Variants in CACNA1B observed in about 807,000 individuals in gnomAD.
The protein encoded by CACNA1B is voltage-dependent N-type calcium channel subunit alpha-1B.
Under a neutral mutation model 247.2 loss-of-function variants are expected in CACNA1B, and 70 were observed. The observed-to-expected ratio is 0.28, with a 90% confidence interval of 0.23 to 0.35. The LOEUF (loss-of-function observed/expected upper bound fraction) is 0.35, where lower values mean the gene tolerates loss of function less well. Among genes scored for constraint, CACNA1B ranks in the 10% least tolerant of loss-of-function variants. The pLI is 1.00. For missense variants in CACNA1B, 2,367 were observed against 3,197.4 expected (o/e 0.74, Z 6.26); for synonymous variants, 1,231 against 1,294.4 (o/e 0.95, Z 1.05).
rs57624877 is a variant in CACNA1B, at chr9:137,934,923, T to A, written c.967-17351T>A. ...TGACAATATGACAAAACAAGGTTCCTTAACACCCCGAAGAAATCACACTAG... is the reference window on the plus strand; with the variant it reads ...TGACAATATGACAAAACAAGGTTCCATAACACCCCGAAGAAATCACACTAG... On this transcript the variant is annotated intron_variant, in intron 6 of 46. Coordinates refer to ENST00000371372, the MANE Select transcript of CACNA1B (RefSeq NM_000718.4). Among the ~76,000 whole-genome samples, 327 of 152,220 alleles carry A rather than the reference T, an allele frequency of 2.1e-3. 3 individuals carry two copies. The highest frequency in any genetic ancestry group is 7.6e-3 in the African/African-American group (314 of 41,518).
intron 6 of CACNA1B, among the ~76,000 whole-genome samples, chr9:137,932,469 C>G (rs546510947): frequency 1.3e-5 from 2 of 152,176 alleles, no homozygotes; most frequent in Admixed American, 6.5e-5. Context: ...AACTTGTTTT[C>G]TATGGTGAAC....
At chr9:138,045,262 G>A (rs573176756) in intron 21 of CACNA1B, among the ~76,000 whole-genome samples, 13 of 152,256 alleles carry the variant, frequency 8.5e-5, no homozygotes, top group African/African-American at 2.9e-4. Context: ...GCACCATCCC[G>A]GAGCACACTG....
Position 137,975,759 on chromosome 9 carries a change from G to A in CACNA1B, c.1544-148G>A, listed in dbSNP as rs924562663. The A allele has an allele frequency of 1.9e-5, 13 of 669,538 alleles. No homozygotes were observed. The African/African-American group carries it at 2.2e-4, about 11-fold the overall frequency. 41.5% of individuals were successfully genotyped at this position (669,538 alleles called of 1,614,324 possible). A position where few individuals can be genotyped will look rare whatever the true frequency, so the allele number is the denominator to read the frequency against. ...CTCTGAATCCATCGTTCCTTTCCTA[G>A]GCTGAGACTTCAGAGCATAGGACCA... On this transcript the variant is annotated intron_variant, in intron 11 of 46. Coordinates refer to ENST00000371372, the MANE Select transcript of CACNA1B (RefSeq NM_000718.4).
chr9:137,911,862 G>A (rs1957363526), intron 3 of CACNA1B, among the ~76,000 whole-genome samples: 2 of 152,314 alleles, frequency 1.3e-5, no homozygotes, highest in South Asian at 2.1e-4. Flanking sequence ...TTGGTGACCC[G>A]GACGTGGCAT....
intron 18 of CACNA1B, among the ~76,000 whole-genome samples, chr9:138,019,733 G>A (rs1958819297): frequency 6.6e-6 from 1 of 152,180 alleles, no homozygotes; most frequent in African/African-American, 2.4e-5. Context: ...GGCTGTCAGA[G>A]GCACTGATGT....
At chr9:137,925,283 C>A (rs1957536621) in intron 6 of CACNA1B, among the ~76,000 whole-genome samples, 1 of 152,190 alleles carries the variant, frequency 6.6e-6, no homozygotes, top group Non-Finnish European at 1.5e-5. Context: ...TAGGGGGAGG[C>A]AACTGGCCAT....
At chr9:137,972,870 G>T (rs559367663) in intron 11 of CACNA1B, among the ~76,000 whole-genome samples, 1 of 152,350 alleles carries the variant, frequency 6.6e-6, no homozygotes, top group Admixed American at 6.5e-5. Context: ...AGCAGCTTGT[G>T]TACATGGAAC....
At chr9:138,015,085 C>G (rs555692202) in intron 18 of CACNA1B, among the ~76,000 whole-genome samples, 1 of 152,136 alleles carries the variant, frequency 6.6e-6, no homozygotes, top group Non-Finnish European at 1.5e-5. Context: ...TGTTCTGCCT[C>G]ACGGTGGGTC....
intron 5 of CACNA1B, among the ~76,000 whole-genome samples, chr9:137,915,032 G>T (rs1000122521): frequency 6.6e-6 from 1 of 152,248 alleles, no homozygotes; most frequent in East Asian, 1.9e-4. Flanking sequence ...AAACAAAAAG[G>T]TATTTGAAAT....
Position 137,891,936 on chromosome 9 carries a change from C to A in CACNA1B, c.530+9053C>A. 2.4e-6 allele frequency: 1 copy of A among 416,076 alleles called. No homozygotes were observed. The highest frequency in any genetic ancestry group is 1.8e-5 in the South Asian group (1 of 56,400). 25.8% of individuals were successfully genotyped at this position (416,076 alleles called of 1,614,324 possible). The stretch of plus-strand genomic sequence containing the variant: ...TCCTTTCTCCAGGGCTGGGCAGGCC[C>A]TTCTAGCCAATGCCACCCTCCCTGT... On this transcript the variant is annotated intron_variant, in intron 3 of 46. Coordinates refer to ENST00000371372, the MANE Select transcript of CACNA1B (RefSeq NM_000718.4). The surrounding 1 kb of genome is among the most constrained non-coding windows in gnomAD (Gnocchi z 4.3).
Position 138,025,166 on chromosome 9 carries a change from G to T in CACNA1B, c.3280G>T (p.Val1094Phe), listed in dbSNP as rs756434498. 1 of 1,604,534 alleles carries T rather than the reference G, an allele frequency of 6.2e-7. No individual in the cohort carries two copies. The highest frequency in any genetic ancestry group is 1.7e-5 in the Admixed American group (1 of 59,296). ...LTGPLGEATVVPSGNVDLESQ... is the reference protein window; with the variant it reads ...LTGPLGEATVFPSGNVDLESQ... ...GGGCCCTCTTGGGGAAGCCACGGTC[G>T]TTCCCAGTGAGTATCTCCCTGTGCC... Residue 1094 changes from valine to phenylalanine, a missense_variant, in exon 20 of 47, where the codon GTT (valine) becomes TTT (phenylalanine). Coordinates refer to ENST00000371372, the MANE Select transcript of CACNA1B (RefSeq NM_000718.4).
intron 6 of CACNA1B, among the ~76,000 whole-genome samples, chr9:137,927,300 A>G (rs1957562769): frequency 6.7e-6 from 1 of 149,330 alleles, no homozygotes; most frequent in Non-Finnish European, 1.5e-5. Flanking sequence ...CTGGAGTGCA[A>G]TGGAACCCGC....
At chr9:137,968,126 C>T (rs74312739) in intron 10 of CACNA1B, among the ~76,000 whole-genome samples, 1,821 of 152,158 alleles carry the variant, frequency 0.012, 18 homozygotes, top group East Asian at 0.046. Flanking sequence ...TTGACTTTTC[C>T]TTCTGGGTAC....
intron 6 of CACNA1B, among the ~76,000 whole-genome samples, chr9:137,929,409 G>A (rs1957585513): frequency 1.3e-5 from 2 of 151,966 alleles, no homozygotes; most frequent in Admixed American, 6.6e-5. Flanking sequence ...TAAAAAGTTA[G>A]CCAGGCATGG....
In CACNA1B at chr9:138,023,363, G is replaced by A; in HGVS notation, c.2620G>A (p.Ala874Thr). 1 of 1,414,428 alleles carries A rather than the reference G, an allele frequency of 7.1e-7. No individual in the cohort carries two copies. The highest frequency in any genetic ancestry group is 9.2e-7 in the Non-Finnish European group (1 of 1,092,104). 87.6% of individuals were successfully genotyped at this position (1,414,428 alleles called of 1,614,324 possible). Residue 874 changes from alanine (A) to threonine (T), a missense_variant, in exon 19 of 47, where the codon GCG (alanine) becomes ACG (threonine). Ala to Thr is a moderately conservative substitution (Grantham distance 58, BLOSUM62 0). Transcript: ENST00000371372. The part of the protein sequence containing the change: ...GDQDRAEAPK[A>T]ESGEPGAREE... ...CCAGGACCGAGCAGAGGCCCCGAAG[G>A]CGGAGAGCGGGGAGCCCGGTGCCCG... is the stretch of plus-strand genomic sequence containing the variant.
At position 138,093,422 on chromosome 9, in the gene CACNA1B, A is replaced by AG. The variant is rs1245558700; in HGVS notation, c.5095-3062_5095-3061insG. ...CTGTCTCAAAAAAAAAAAAAAAAAA[A>AG]AAAAAAGAAGAAGAAGACAGAAAAG... On this transcript the variant is annotated intron_variant, in intron 36 of 46. Transcript: ENST00000371372. Among the ~76,000 whole-genome samples the AG allele has an allele frequency of 1.8e-3, 275 of 150,576 alleles. 1 individual carries two copies. Among genetic ancestry groups the AG allele is most frequent in the African/African-American group, 5.9e-3 (244 of 41,154 alleles).
At position 137,952,366 on chromosome 9, in the gene CACNA1B, C is replaced by G; in HGVS notation, c.1059C>G (p.Gly353=). 6.2e-7 allele frequency: 1 copy of G among 1,613,576 alleles called. No individual in the cohort carries two copies. Among genetic ancestry groups the G allele is most frequent in the Non-Finnish European group, 8.5e-7 (1 of 1,179,536 alleles). ...GSFFMLNLVL[G]VLSGEFAKER... is the part of the protein sequence containing the mutation. ...TCTTCATGCTCAACCTGGTGCTGGGCGTGCTCTCGGGGTGAGAGACCATGT... is the reference window on the plus strand; with the variant it reads ...TCTTCATGCTCAACCTGGTGCTGGGGGTGCTCTCGGGGTGAGAGACCATGT... The change falls in exon 7 of 47, where the codon GGC becomes GGG. Residue 353 remains glycine (G), a synonymous_variant. Coordinates refer to ENST00000371372, the MANE Select transcript of CACNA1B (RefSeq NM_000718.4). This position sits in a 1 kb window ranked among gnomAD's most constrained non-coding sequence, Gnocchi z 4.8.
chr9:138,090,220 G>C (rs1387574845), intron 36 of CACNA1B, among the ~76,000 whole-genome samples: 1 of 152,054 alleles, frequency 6.6e-6, no homozygotes, highest in Non-Finnish European at 1.5e-5. Flanking sequence ...TAGACCAATG[G>C]AATAGAATAG....
chr9:138,030,437 C>T (rs1013773532), intron 20 of CACNA1B, among the ~76,000 whole-genome samples: 4 of 151,846 alleles, frequency 2.6e-5, no homozygotes, highest in African/African-American at 4.8e-5. Flanking sequence ...TATGAATAAC[C>T]CTACTGGTGT....
Sources: allele counts gnomAD v4.1 joint callset (sites outside exome capture counted in the v4.1 genomes callset), GRCh38; gene constraint gnomAD v4.1.1; non-coding constraint Gnocchi (gnomAD v3.1); transcripts MANE v1.5; gene names NCBI Gene and HGNC (gene_info 2026-07-23, HGNC 2026-07-21).